AUH: variants seen among roughly 807,000 people sequenced by gnomAD.
AUH encodes the protein AU RNA binding methylglutaconyl-CoA hydratase.
Under a neutral mutation model 42.3 loss-of-function variants are expected in AUH, and 29 were observed. The ratio of observed to expected loss-of-function variants is 0.69; its 90% CI spans 0.51 to 0.93. The LOEUF (loss-of-function observed/expected upper bound fraction) is 0.93. Ranked by LOEUF, AUH falls within the 40% of genes least tolerant of loss-of-function variation. AUH has a pLI of 0.00. For missense variants in AUH, 452 were observed against 438.1 expected, an observed-to-expected ratio of 1.03 and a Z score of -0.28; for synonymous variants, 174 against 166.4, an observed-to-expected ratio of 1.05 and a Z score of -0.35.
intron 6 of AUH, among the ~76,000 whole-genome samples, chr9:91,285,930 C>T (rs1826365896): frequency 6.6e-6 from 1 of 152,176 alleles, no homozygotes; most frequent in African/African-American, 2.4e-5. Context: ...AACCCAACTA[C>T]TCTGTTCTTT....
chr9:91,266,318 C>A (rs767442248), intron 6 of AUH, among the ~76,000 whole-genome samples: 1 of 151,628 alleles, frequency 6.6e-6, no homozygotes, highest in African/African-American at 2.4e-5. Context: ...GCCAAGATCA[C>A]GCCACTGCAC....
intron 6 of AUH, among the ~76,000 whole-genome samples, chr9:91,283,212 C>T (rs1311245826): frequency 6.6e-5 from 10 of 152,112 alleles, no homozygotes; most frequent in Admixed American, 2.6e-4. Context: ...AGACAAAAAC[C>T]ACATGATTAT....
intron 4 of AUH, among the ~76,000 whole-genome samples, chr9:91,323,886 A>G (rs1166024846): frequency 6.6e-6 from 1 of 152,168 alleles, no homozygotes; most frequent in Non-Finnish European, 1.5e-5. Flanking sequence ...TTTCTTAACA[A>G]AATTTATAAA....
At chr9:91,321,848 T>C (rs909536043) in intron 4 of AUH, among the ~76,000 whole-genome samples, 1 of 152,210 alleles carries the variant, frequency 6.6e-6, no homozygotes, top group African/African-American at 2.4e-5. Flanking sequence ...CATTTGTTGA[T>C]ACATCATCTA....
chr9:91,301,667 G>C (rs1353984420), intron 4 of AUH, among the ~76,000 whole-genome samples: 4 of 152,206 alleles, frequency 2.6e-5, no homozygotes, highest in African/African-American at 4.8e-5. Flanking sequence ...ACTGCAAAAA[G>C]AGCCAGCCTA....
chr9:91,251,348 C>T lies in AUH; in HGVS notation c.656-30356G>A, dbSNP rs187233629. ...TTTCTCCAGTAAAGAAGTTTCACCTCCTCTCACAGGTCTTTCTATAATGCA... is the reference window on the plus strand; with the variant it reads ...TTTCTCCAGTAAAGAAGTTTCACCTTCTCTCACAGGTCTTTCTATAATGCA... On this transcript the variant is annotated intron_variant, in intron 6 of 9. Coordinates refer to ENST00000375731, the MANE Select transcript of AUH (RefSeq NM_001698.3). 1.7e-3 allele frequency among the ~76,000 whole-genome samples: 254 copies of T among 152,336 alleles called. 3 individuals carry two copies. Among genetic ancestry groups the T allele is most frequent in the Middle Eastern group, 3.4e-3 (1 of 294 alleles).
At chr9:91,359,707 T>G (rs944123531) in intron 1 of AUH, among the ~76,000 whole-genome samples, 5 of 152,320 alleles carry the variant, frequency 3.3e-5, no homozygotes, top group Admixed American at 3.3e-4. Context: ...CCTAAAGTGC[T>G]GCATGCTGTT....
chr9:91,322,448 G>T (rs796726636), intron 4 of AUH, among the ~76,000 whole-genome samples: 2 of 152,224 alleles, frequency 1.3e-5, no homozygotes, highest in African/African-American at 4.8e-5. Context: ...AGAGAAGCAG[G>T]GCCTAAAACA....
At chr9:91,224,322 TTG>T (rs1827310029) in intron 6 of AUH, among the ~76,000 whole-genome samples, 1 of 152,260 alleles carries the variant, frequency 6.6e-6, no homozygotes, top group Admixed American at 6.5e-5. Context: ...GTTTCATTTG[TTG>T]AGTTACAGGA....
chr9:91,325,468 A>T, intron 3 of AUH, 64 bp from the exon 4 acceptor site: 1 of 1,365,004 alleles, frequency 7.3e-7, no homozygotes, highest in Non-Finnish European at 1.0e-6. Flanking sequence ...CAAAGAATTG[A>T]AAATTTACTT....
chr9:91,216,825 T>C (rs968333639), intron 8 of AUH, among the ~76,000 whole-genome samples: 3 of 152,146 alleles, frequency 2.0e-5, no homozygotes, highest in South Asian at 2.1e-4. Flanking sequence ...GGACACACAA[T>C]GGATTCACCT....
intron 3 of AUH, among the ~76,000 whole-genome samples, chr9:91,327,296 G>C (rs1830025020): frequency 6.6e-6 from 1 of 152,194 alleles, no homozygotes; most frequent in African/African-American, 2.4e-5. Context: ...GCCACTGACA[G>C]TTTAAAGTCT....
At chr9:91,325,898 C>T (rs568921276) in intron 3 of AUH, among the ~76,000 whole-genome samples, 2 of 152,278 alleles carry the variant, frequency 1.3e-5, no homozygotes, top group Admixed American at 6.5e-5. Context: ...GCAGATTACA[C>T]TTTGGTCAGT....
At chr9:91,250,179 G>A (rs538314420) in intron 6 of AUH, among the ~76,000 whole-genome samples, 121 of 152,260 alleles carry the variant, frequency 7.9e-4, no homozygotes, top group Middle Eastern at 3.4e-3. Context: ...AGTCCCGGAG[G>A]TCTGAGACCG....
chr9:91,344,311 G>A (rs1449832052), intron 3 of AUH, among the ~76,000 whole-genome samples: 1 of 152,138 alleles, frequency 6.6e-6, no homozygotes, highest in African/African-American at 2.4e-5. Context: ...CCTATAACCT[G>A]GAAGGCCCCC....
intron 6 of AUH, 61 bp downstream of exon 6, chr9:91,295,960 C>T: frequency 6.3e-7 from 1 of 1,575,950 alleles, no homozygotes; most frequent in Non-Finnish European, 8.7e-7. Context: ...ATGATTTTGC[C>T]TTATGCCCTG....
At chr9:91,289,919 T>C (rs1330947950) in intron 6 of AUH, among the ~76,000 whole-genome samples, 1 of 152,182 alleles carries the variant, frequency 6.6e-6, no homozygotes, top group African/African-American at 2.4e-5. Flanking sequence ...TTAAGAACTG[T>C]AATATTAATT....
chr9:91,355,551 CAA>C (rs879726755), intron 3 of AUH, among the ~76,000 whole-genome samples: 7 of 132,894 alleles, frequency 5.3e-5, no homozygotes, highest in Admixed American at 7.7e-5. Flanking sequence ...GACTCTATCT[CAA>C]AAAAAAAAAA....
intron 6 of AUH, among the ~76,000 whole-genome samples, chr9:91,258,182 T>C (rs1451464701): frequency 1.3e-5 from 2 of 152,202 alleles, no homozygotes; most frequent in African/African-American, 4.8e-5. Flanking sequence ...GAACATATCA[T>C]GACATGTGTG....
Sources: gnomAD v4.1 joint callset for allele counts (sites outside exome capture counted in the v4.1 genomes callset) on GRCh38, gnomAD v4.1.1 for gene constraint, MANE v1.5 for transcripts, NCBI Gene and HGNC (gene_info 2026-07-23, HGNC 2026-07-21) for gene names.